SUSD1: variants seen among roughly 807,000 people sequenced by gnomAD.
SUSD1 encodes the protein sushi domain-containing protein 1.
In SUSD1, 65 loss-of-function variants were observed where a neutral mutation model predicts 86.9. The ratio of observed to expected loss-of-function variants is 0.75; its 90% CI spans 0.61 to 0.92. The LOEUF is 0.92. Among genes scored for constraint, SUSD1 ranks in the 40% least tolerant of loss-of-function variants. SUSD1 has a pLI of 0.00. For missense variants in SUSD1, 850 were observed against 929.7 expected (o/e 0.91, Z 1.11); for synonymous variants, 346 against 350.0 (o/e 0.99, Z 0.13).
chr9:112,157,337 C>T (rs570847285), intron 2 of SUSD1, among the ~76,000 whole-genome samples, 163 bp downstream of exon 2: 2 of 152,230 alleles, frequency 1.3e-5, no homozygotes, highest in East Asian at 3.9e-4. Flanking sequence ...AAGAATGTAT[C>T]CAAACACTAA....
intron 14 of SUSD1, among the ~76,000 whole-genome samples, chr9:112,053,794 A>G (rs1459900032): frequency 6.6e-6 from 1 of 152,242 alleles, no homozygotes; most frequent in East Asian, 1.9e-4. Context: ...TCATACTTGC[A>G]TTTTATAAAA....
chr9:112,140,949 T>C (rs1270299741), intron 5 of SUSD1, among the ~76,000 whole-genome samples: 1 of 152,108 alleles, frequency 6.6e-6, no homozygotes, highest in Admixed American at 6.6e-5. Flanking sequence ...TACTTATATA[T>C]CTAAATATAG....
At chr9:112,102,355 A>G in intron 8 of SUSD1, 70 bp from the exon 9 acceptor site, 1 of 733,460 alleles carries the variant, frequency 1.4e-6, no homozygotes, top group Non-Finnish European at 2.2e-6. Flanking sequence ...GCTGAGTACA[A>G]GTGAAACTCT....
At chr9:112,148,579 A>G (rs1832906574) in intron 3 of SUSD1, among the ~76,000 whole-genome samples, 1 of 152,090 alleles carries the variant, frequency 6.6e-6, no homozygotes, top group Non-Finnish European at 1.5e-5. Context: ...CAGGAGGCAC[A>G]CCATCTCCAG....
rs548967436 is a variant in SUSD1 at position 112,154,882 on chromosome 9, C to T, written c.217+2618G>A. On this transcript the variant is annotated intron_variant, in intron 2 of 16. Transcript: ENST00000374270. Reference sequence around the variant, plus strand: ...GGCCAAGCATCGGGATGCACAGTGCCTAGTGCCTGGGAGTAGTACCACATA... The same window carrying T: ...GGCCAAGCATCGGGATGCACAGTGCTTAGTGCCTGGGAGTAGTACCACATA... Among the ~76,000 whole-genome samples, 15 of 152,262 alleles carry T rather than the reference C, an allele frequency of 9.9e-5. No homozygotes were observed. In the South Asian group the frequency reaches 3.1e-3, roughly 32 times the overall value.
At chr9:112,171,664 C>T (rs765428672) in intron 1 of SUSD1, among the ~76,000 whole-genome samples, 26 of 152,072 alleles carry the variant, frequency 1.7e-4, no homozygotes, top group Non-Finnish European at 3.1e-4. Flanking sequence ...TCTTCTTCCT[C>T]GCCCCCCACT....
At chr9:112,057,163 G>C (rs912788526) in intron 14 of SUSD1, among the ~76,000 whole-genome samples, 1 of 152,302 alleles carries the variant, frequency 6.6e-6, no homozygotes, top group Admixed American at 6.5e-5. Context: ...TGAGGACACT[G>C]TAAGAAGGCA....
chr9:112,171,389 G>A (rs1219143113), intron 1 of SUSD1, among the ~76,000 whole-genome samples: 2 of 152,104 alleles, frequency 1.3e-5, no homozygotes, highest in East Asian at 3.8e-4. Context: ...TTGTTTGGAT[G>A]GTATTCATTT....
chr9:112,129,974 A>G (rs1831945311), intron 5 of SUSD1, among the ~76,000 whole-genome samples: 1 of 152,218 alleles, frequency 6.6e-6, no homozygotes, highest in South Asian at 2.1e-4. Context: ...ATTCACACAT[A>G]CCAAACACCA....
chr9:112,060,786 C>G (rs914360680), intron 13 of SUSD1, among the ~76,000 whole-genome samples: 9 of 152,216 alleles, frequency 5.9e-5, no homozygotes, highest in African/African-American at 2.2e-4. Context: ...ACATCATAGC[C>G]ACAGGTAAGA....
chr9:112,108,968 C>T (rs1451202763), intron 8 of SUSD1, among the ~76,000 whole-genome samples: 1 of 151,970 alleles, frequency 6.6e-6, no homozygotes, highest in Non-Finnish European at 1.5e-5. Context: ...ACCAATCAAC[C>T]TCTAAAAAGA....
chr9:112,157,879 A>G (rs769486482), intron 1 of SUSD1, among the ~76,000 whole-genome samples: 2 of 146,458 alleles, frequency 1.4e-5, no homozygotes, highest in Non-Finnish European at 3.0e-5. Context: ...GCTGGAGTGC[A>G]GTGGTACAAT....
intron 3 of SUSD1, among the ~76,000 whole-genome samples, chr9:112,144,037 C>T (rs1425576917): frequency 1.3e-5 from 2 of 152,008 alleles, no homozygotes; most frequent in Non-Finnish European, 2.9e-5. Context: ...GTCAGGAGTT[C>T]GAGACCAGCC....
chr9:112,165,069 A>G (rs1833723481), intron 1 of SUSD1, among the ~76,000 whole-genome samples: 1 of 152,244 alleles, frequency 6.6e-6, no homozygotes, highest in Non-Finnish European at 1.5e-5. Flanking sequence ...TAAGAAGCTC[A>G]CAGGTGGATC....
At chr9:112,074,377 CA>C (rs575556774) in intron 12 of SUSD1, among the ~76,000 whole-genome samples, 105 of 152,306 alleles carry the variant, frequency 6.9e-4, no homozygotes, top group Middle Eastern at 3.4e-3. Flanking sequence ...GTGCCGTCTG[CA>C]GCCTATCAGC....
chr9:112,099,136 A>G (rs1373981246), intron 9 of SUSD1, among the ~76,000 whole-genome samples: 1 of 151,344 alleles, frequency 6.6e-6, no homozygotes, highest in Non-Finnish European at 1.5e-5. Flanking sequence ...AGCAATCTCA[A>G]ACTCCTGGAC....
intron 6 of SUSD1, among the ~76,000 whole-genome samples, chr9:112,123,605 GC>G (rs1291725270): frequency 6.6e-6 from 1 of 152,126 alleles, no homozygotes; most frequent in East Asian, 1.9e-4. Flanking sequence ...TTCGAGACCA[GC>G]CTGGGCAACA....
intron 5 of SUSD1, among the ~76,000 whole-genome samples, chr9:112,140,703 T>C (rs563263535): frequency 6.6e-6 from 1 of 152,222 alleles, no homozygotes; most frequent in Non-Finnish European, 1.5e-5. Flanking sequence ...TCTCTAGTTG[T>C]GTGACCTTAA....
intron 15 of SUSD1, among the ~76,000 whole-genome samples, chr9:112,046,000 A>G (rs967854452): frequency 1.3e-5 from 2 of 152,224 alleles, no homozygotes; most frequent in African/African-American, 2.4e-5. Flanking sequence ...CCTGGGCACA[A>G]CTATTCCTTA....
Sources: allele counts gnomAD v4.1 joint callset (sites outside exome capture counted in the v4.1 genomes callset), GRCh38; gene constraint gnomAD v4.1.1; transcripts MANE v1.5; gene names NCBI Gene and HGNC (gene_info 2026-07-23, HGNC 2026-07-21).